The following HDAC9 variants were observed in gnomAD, a reference collection of about 807,000 sequenced individuals.
HDAC9 encodes the protein MEF-2 interacting transcription repressor (MITR) protein.
HDAC9 carries 41 observed loss-of-function variants against 139.4 expected under a neutral mutation model. The observed-to-expected ratio is 0.29, with a 90% CI of 0.23 to 0.38. The LOEUF is 0.38. Among genes scored for constraint, HDAC9 ranks in the 10% least tolerant of loss-of-function variants. The probability of loss-of-function intolerance (pLI) is 1.00; values close to 1 mark genes in which losing one functional copy is unlikely to be tolerated. For missense variants in HDAC9, 1,147 were observed against 1,297.0 expected, an observed-to-expected ratio of 0.88 and a Z score of 1.78; for synonymous variants, 517 against 476.2, an observed-to-expected ratio of 1.09 and a Z score of -1.12.
At chr7:18,533,770 T>C (rs1013857619) in intron 2 of HDAC9, among the ~76,000 whole-genome samples, 3 of 152,218 alleles carry the variant, frequency 2.0e-5, no homozygotes, top group African/African-American at 7.2e-5. Context: ...TTGTGTTCTC[T>C]ACTCTTATTT....
chr7:18,935,290 T>C (rs192334085), intron 22 of HDAC9, among the ~76,000 whole-genome samples: 583 of 152,256 alleles, frequency 3.8e-3, no homozygotes, highest in Non-Finnish European at 6.9e-3. Flanking sequence ...TATCAAATGT[T>C]TCATAATAAA....
intron 25 of HDAC9, among the ~76,000 whole-genome samples, chr7:18,989,937 T>C (rs1785729384): frequency 6.6e-6 from 1 of 151,750 alleles, no homozygotes; most frequent in Non-Finnish European, 1.5e-5. Flanking sequence ...GTGTTGGTTA[T>C]TCTAGTTATA....
At chr7:18,291,012 C>T (rs1797770677) in intron 1 of HDAC9, among the ~76,000 whole-genome samples, 1 of 152,074 alleles carries the variant, frequency 6.6e-6, no homozygotes, top group Non-Finnish European at 1.5e-5. Context: ...TAGAGATTTC[C>T]CATGCATCTA....
chr7:18,734,664 C>A (rs890158825), intron 13 of HDAC9, among the ~76,000 whole-genome samples: 1 of 152,310 alleles, frequency 6.6e-6, no homozygotes, highest in East Asian at 1.9e-4. Flanking sequence ...GATTCCAGGT[C>A]TTTCCTGTTG....
chr7:18,947,437 T>G (rs1036988255), intron 23 of HDAC9, among the ~76,000 whole-genome samples: 1 of 151,886 alleles, frequency 6.6e-6, no homozygotes, highest in African/African-American at 2.4e-5. Context: ...TTAATGTTAT[T>G]AAAAGGATGA....
chr7:18,416,382 A>G (rs527597948), intron 1 of HDAC9, among the ~76,000 whole-genome samples: 1 of 152,224 alleles, frequency 6.6e-6, no homozygotes, highest in South Asian at 2.1e-4. Flanking sequence ...TTTTTTTGTA[A>G]TATCTTTGTC....
chr7:18,188,538 A>G (rs1197287434), intron 2 of HDAC9, among the ~76,000 whole-genome samples: 1 of 152,202 alleles, frequency 6.6e-6, no homozygotes, highest in African/African-American at 2.4e-5. Flanking sequence ...ACAGCAAAAG[A>G]AACTATCAGA....
intron 22 of HDAC9, among the ~76,000 whole-genome samples, chr7:18,884,617 T>C (rs1799985101): frequency 6.6e-6 from 1 of 152,186 alleles, no homozygotes; most frequent in Non-Finnish European, 1.5e-5. Context: ...AGAAAAGATT[T>C]ATGGCTATAG....
chr7:18,678,920 T>C (rs1781701736), intron 12 of HDAC9, among the ~76,000 whole-genome samples: 1 of 151,948 alleles, frequency 6.6e-6, no homozygotes, highest in Non-Finnish European at 1.5e-5. Context: ...TATCATAACC[T>C]TTACACTCAA....
At chr7:18,819,728 C>T (rs1794824942) in intron 17 of HDAC9, among the ~76,000 whole-genome samples, 1 of 152,152 alleles carries the variant, frequency 6.6e-6, no homozygotes, top group African/African-American at 2.4e-5. Flanking sequence ...TTAATTGTCA[C>T]TTTTGGTGAC....
At chr7:18,804,159 A>G (rs1245828569) in intron 17 of HDAC9, among the ~76,000 whole-genome samples, 1 of 152,188 alleles carries the variant, frequency 6.6e-6, no homozygotes, top group African/African-American at 2.4e-5. Flanking sequence ...ATAAGGAGAG[A>G]TTTGTGCTGA....
At chr7:18,822,488 G>A (rs748750459) in intron 17 of HDAC9, among the ~76,000 whole-genome samples, 4 of 152,120 alleles carry the variant, frequency 2.6e-5, no homozygotes, top group Non-Finnish European at 5.9e-5. Context: ...CCGACTAGTT[G>A]GGATTACAGG....
At chr7:18,524,247 G>T (rs1188253111) in intron 2 of HDAC9, among the ~76,000 whole-genome samples, 2 of 152,136 alleles carry the variant, frequency 1.3e-5, no homozygotes, top group African/African-American at 4.8e-5. Context: ...TGTAGGGACT[G>T]AAAGTTAACA....
chr7:18,691,844 T>C (rs1248394529), intron 12 of HDAC9, among the ~76,000 whole-genome samples: 1 of 152,006 alleles, frequency 6.6e-6, no homozygotes, highest in Non-Finnish European at 1.5e-5. Context: ...GTAGCCCATA[T>C]TGATCCCAAT....
intron 24 of HDAC9, among the ~76,000 whole-genome samples, chr7:18,970,909 G>A (rs1784204049): frequency 6.6e-6 from 1 of 152,170 alleles, no homozygotes; most frequent in Admixed American, 6.5e-5. Context: ...AAGTAGCAAA[G>A]GGGTTTGAAT....
chr7:18,111,489 G>T (rs1366874946), intron 1 of HDAC9, among the ~76,000 whole-genome samples: 1 of 152,170 alleles, frequency 6.6e-6, no homozygotes, highest in South Asian at 2.1e-4. Flanking sequence ...TGGTTCCAGC[G>T]ACTCCCTTGG....
chr7:18,852,467 T>G (rs546623887), intron 21 of HDAC9, among the ~76,000 whole-genome samples: 20 of 152,226 alleles, frequency 1.3e-4, no homozygotes, highest in African/African-American at 4.8e-4. Flanking sequence ...TCTTGTACAA[T>G]TACAGAAACT....
At chr7:18,387,885 C>G (rs1390269670) in intron 1 of HDAC9, among the ~76,000 whole-genome samples, 2 of 151,296 alleles carry the variant, frequency 1.3e-5, no homozygotes, top group Non-Finnish European at 2.9e-5. Flanking sequence ...TGAAAAACAT[C>G]TTAACATTTT....
At chr7:18,206,171 G>A (rs1392408370) in intron 2 of HDAC9, among the ~76,000 whole-genome samples, 2 of 152,092 alleles carry the variant, frequency 1.3e-5, no homozygotes, top group South Asian at 4.1e-4. Flanking sequence ...GGAAACCTGT[G>A]ACTGATGATC....
Sources: allele counts gnomAD v4.1 joint callset (sites outside exome capture counted in the v4.1 genomes callset), GRCh38; gene constraint gnomAD v4.1.1; transcripts MANE v1.5; gene names NCBI Gene and HGNC (gene_info 2026-07-23, HGNC 2026-07-21).